TBPL1: variants seen among roughly 807,000 people sequenced by gnomAD.
TBPL1 encodes TATA-box binding protein like 1, also known as TATA box-binding protein-like 1.
Under a neutral mutation model 22.1 loss-of-function variants are expected in TBPL1, and 4 were observed. The ratio of observed to expected loss-of-function variants is 0.18; its 90% confidence interval spans 0.09 to 0.41. The LOEUF is 0.41. Among genes scored for constraint, TBPL1 ranks in the 10% least tolerant of loss-of-function variants. The pLI is 1.00. For synonymous variants in TBPL1, 64 were observed against 71.0 expected, an observed-to-expected ratio of 0.90 and a Z score of 0.50; for missense variants, 115 against 222.3, an observed-to-expected ratio of 0.52 and a Z score of 3.07.
intron 1 of TBPL1, among the ~76,000 whole-genome samples, chr6:133,955,216 A>T (rs1427305962): frequency 6.8e-6 from 1 of 147,728 alleles, no homozygotes; most frequent in African/African-American, 2.5e-5. Flanking sequence ...CTGCCATCAG[A>T]CTCACTTGAC....
intron 4 of TBPL1, 50 bp downstream of exon 4, chr6:133,982,930 T>G: frequency 1.3e-6 from 2 of 1,512,122 alleles, no homozygotes; most frequent in Non-Finnish European, 1.8e-6. Flanking sequence ...GGACTTATTT[T>G]TATAGAATTA....
chr6:133,953,792 C>T (rs1344824293), intron 1 of TBPL1, among the ~76,000 whole-genome samples: 1 of 152,126 alleles, frequency 6.6e-6, no homozygotes, highest in Non-Finnish European at 1.5e-5. Flanking sequence ...CCTCATCTGT[C>T]TCGGAGCCAT....
chr6:133,956,588 CTG>C (rs1460120843), intron 1 of TBPL1, among the ~76,000 whole-genome samples: 2 of 152,140 alleles, frequency 1.3e-5, no homozygotes, highest in African/African-American at 4.8e-5. Context: ...TGTCCCTGCC[CTG>C]TGTGTGTATT....
At chr6:133,975,932 G>A (rs1012692138) in intron 1 of TBPL1, among the ~76,000 whole-genome samples, 2 of 152,110 alleles carry the variant, frequency 1.3e-5, no homozygotes, top group African/African-American at 4.8e-5. Context: ...ATATGGTAGT[G>A]CCATGATTAG....
At position 133,987,037 on chromosome 6, in the gene TBPL1, A is replaced by G; in HGVS notation, c.558A>G (p.Leu186=). ...PFVFESRKEI[L] is the part of the protein sequence containing the mutation. ...TGTTTGAAAGCAGGAAAGAAATTTT[A>G]TAATTCACCACTTAATTGGTTAGAA... The change falls in exon 7 of 7, where the codon TTA becomes TTG. Residue 186 remains leucine, a synonymous_variant. Coordinates refer to ENST00000237264, the MANE Select transcript of TBPL1 (RefSeq NM_004865.4). 1 of 1,608,312 alleles carries G rather than the reference A, an allele frequency of 6.2e-7. No individual in the cohort carries two copies. Among genetic ancestry groups the G allele is most frequent in the South Asian group, 1.1e-5 (1 of 90,564 alleles).
chr6:133,976,873 G>T (rs1383663815), intron 1 of TBPL1, among the ~76,000 whole-genome samples: 2 of 151,426 alleles, frequency 1.3e-5, no homozygotes, highest in African/African-American at 4.9e-5. Flanking sequence ...TGAGGCTGAA[G>T]CAGAGAATTG....
intron 1 of TBPL1, among the ~76,000 whole-genome samples, chr6:133,960,596 CTAT>C (rs1776004746): frequency 6.6e-6 from 1 of 151,950 alleles, no homozygotes; most frequent in Admixed American, 6.6e-5. Context: ...TGGTTTTGGC[CTAT>C]TAAAATTAGA....
chr6:133,961,807 T>G (rs1007743299), intron 1 of TBPL1, among the ~76,000 whole-genome samples: 6 of 152,210 alleles, frequency 3.9e-5, no homozygotes, highest in African/African-American at 1.4e-4. Flanking sequence ...AGACCTTCCC[T>G]GGATCATTGC....
intron 1 of TBPL1, among the ~76,000 whole-genome samples, chr6:133,978,417 A>C (rs1395401035): frequency 2.0e-5 from 3 of 152,218 alleles, no homozygotes; most frequent in Non-Finnish European, 4.4e-5. Flanking sequence ...TAACTTGCCC[A>C]AGTTCTGATA....
Position 133,984,643 on chromosome 6 carries a change from T to C in TBPL1, c.453T>C (p.Ile151=). The part of the protein sequence containing the change: ...RIKSLRATLQ[I]FSTGSITVTG... ...AATCTCTAAGAGCTACATTACAGAT[T>C]TTTTCAACAGGAAGTATCACAGTAA... Residue 151 remains isoleucine, a synonymous_variant, in exon 6 of 7, where the codon ATT becomes ATC. Coordinates refer to ENST00000237264, the MANE Select transcript of TBPL1 (RefSeq NM_004865.4). 6.2e-7 allele frequency: 1 copy of C among 1,612,714 alleles called. No homozygotes were observed. The highest frequency in any genetic ancestry group is 8.5e-7 in the Non-Finnish European group (1 of 1,179,788).
chr6:133,964,307 TAAG>T (rs2114336991), intron 1 of TBPL1, among the ~76,000 whole-genome samples: 1 of 152,296 alleles, frequency 6.6e-6, no homozygotes, highest in Non-Finnish European at 1.5e-5. Context: ...CTGAGTAAAA[TAAG>T]AAATTCCTAA....
chr6:133,978,160 A>G (rs1032001500), intron 1 of TBPL1, among the ~76,000 whole-genome samples: 4 of 152,208 alleles, frequency 2.6e-5, no homozygotes, highest in Admixed American at 2.6e-4. Flanking sequence ...AGCCTAGCAG[A>G]AAACCTGCTG....
intron 1 of TBPL1, among the ~76,000 whole-genome samples, chr6:133,977,836 G>C (rs935064275): frequency 6.6e-6 from 1 of 152,148 alleles, no homozygotes; most frequent in Non-Finnish European, 1.5e-5. Context: ...GTCTCGTGGT[G>C]CAAAATTGGC....
chr6:133,983,759 G>A (rs564442739), intron 4 of TBPL1, among the ~76,000 whole-genome samples: 1 of 152,284 alleles, frequency 6.6e-6, no homozygotes, highest in East Asian at 1.9e-4. Context: ...GATGTTGGTT[G>A]GAGTGGCCAA....
intron 1 of TBPL1, among the ~76,000 whole-genome samples, chr6:133,953,720 A>G (rs951973132): frequency 1.3e-5 from 2 of 152,038 alleles, no homozygotes; most frequent in Non-Finnish European, 2.9e-5. Context: ...CTGGTGTAGG[A>G]TAAGAAAAGA....
Position 133,980,141 on chromosome 6 carries a change from G to A in TBPL1, c.16G>A (p.Asp6Asn). ...AACCACCCCAATGGATGCAGACAGTGATGTTGCATTGGACATTCTAATTAC... is the reference window on the plus strand; with the variant it reads ...AACCACCCCAATGGATGCAGACAGTAATGTTGCATTGGACATTCTAATTAC... MDADS[D>N]VALDILITNV... Residue 6 changes from aspartate (D) to asparagine (N), a missense_variant, in exon 2 of 7, where the codon GAT becomes AAT. Transcript: ENST00000237264. 6.4e-7 allele frequency: 1 copy of A among 1,574,510 alleles called. No individual in the cohort carries two copies. The highest frequency in any genetic ancestry group is 8.6e-7 in the Non-Finnish European group (1 of 1,161,684).
Position 133,990,225 on chromosome 6 carries a change from A to G in TBPL1, c.*3185A>G, listed in dbSNP as rs761653156. 1 of 152,628 alleles carries G rather than the reference A, an allele frequency of 6.6e-6. No homozygotes were observed. Among genetic ancestry groups the G allele is most frequent in the Non-Finnish European group, 1.5e-5 (1 of 68,040 alleles). The allele number at this position is 152,628 out of a possible 1,614,324, so 9.5% of individuals were successfully genotyped here. ...CTGTGTACCGTAACCTGAGGTAGTGATATTCCTGAGGAGTGTGAAGAATTG... is the reference window on the plus strand; with the variant it reads ...CTGTGTACCGTAACCTGAGGTAGTGGTATTCCTGAGGAGTGTGAAGAATTG... On this transcript the variant is annotated 3_prime_UTR_variant, in exon 7 of 7. Coordinates refer to ENST00000237264, the MANE Select transcript of TBPL1 (RefSeq NM_004865.4).
chr6:133,980,639 T>C (rs1413980330), intron 2 of TBPL1, among the ~76,000 whole-genome samples: 1 of 151,640 alleles, frequency 6.6e-6, no homozygotes, highest in Non-Finnish European at 1.5e-5. Context: ...AATTGTCATA[T>C]TCTTTAACAA....
Position 133,970,513 on chromosome 6 carries a change from G to A in TBPL1, c.-44-9569G>A, listed in dbSNP as rs191856189. On this transcript the variant is annotated intron_variant, in intron 1 of 6. Transcript: ENST00000237264. ...AATAAAGTCCTAATCTTAAACAGCT[G>A]TTAGAAATTATTATGGAAACTTTTA... Among the ~76,000 whole-genome samples the A allele has an allele frequency of 5.0e-4, 76 of 152,134 alleles. 1 individual carries two copies. Among genetic ancestry groups the A allele is most frequent in the Non-Finnish European group, 1.0e-3 (69 of 67,992 alleles).
Sources: gnomAD v4.1 joint callset for allele counts (sites outside exome capture counted in the v4.1 genomes callset) on GRCh38, gnomAD v4.1.1 for gene constraint, MANE v1.5 for transcripts, NCBI Gene and HGNC (gene_info 2026-07-23, HGNC 2026-07-21) for gene names.